Variants in ZPBP observed in about 807,000 individuals in gnomAD.
The protein encoded by ZPBP is zona pellucida binding protein.
Under a neutral mutation model 44.8 loss-of-function variants are expected in ZPBP, and 26 were observed. That is an observed-to-expected ratio of 0.58 (90% CI 0.43 to 0.81). The LOEUF (loss-of-function observed/expected upper bound fraction) is 0.81. Among genes scored for constraint, ZPBP ranks in the 30% least tolerant of loss-of-function variants. The pLI is 0.00. For synonymous variants in ZPBP, 174 were observed against 153.2 expected (o/e 1.14, Z -1.00); for missense variants, 409 against 434.0 (o/e 0.94, Z 0.51).
At position 49,968,063 on chromosome 7, in the gene ZPBP, T is replaced by A. The variant is rs545941923; in HGVS notation, c.961+15279A>T. Among the ~76,000 whole-genome samples, 4 of 152,176 alleles carry A rather than the reference T, an allele frequency of 2.6e-5. No homozygotes were observed. In the South Asian group the frequency reaches 8.3e-4, roughly 32 times the overall value. ...ATATTTAATAGAGTATTTTTTCTAA[T>A]GACAGCAGATTAATTTAGAACTAAT... is the stretch of plus-strand genomic sequence containing the variant. On this transcript the variant is annotated intron_variant, in intron 7 of 7. Coordinates refer to ENST00000046087, the MANE Select transcript of ZPBP (RefSeq NM_007009.3).
intron 4 of ZPBP, among the ~76,000 whole-genome samples, chr7:50,045,685 T>C (rs1321857403): frequency 2.0e-5 from 3 of 152,184 alleles, no homozygotes; most frequent in Non-Finnish European, 4.4e-5. Context: ...TGTTCATGGA[T>C]AGGAAGAATC....
intron 2 of ZPBP, among the ~76,000 whole-genome samples, chr7:49,873,179 C>T (rs911218568): frequency 5.9e-5 from 9 of 152,050 alleles, no homozygotes; most frequent in Non-Finnish European, 8.8e-5. Context: ...TTGGTCTGTT[C>T]GGGCTGCTAT....
intron 6 of ZPBP, among the ~76,000 whole-genome samples, chr7:49,998,119 T>C (rs1009604941): frequency 4.6e-5 from 7 of 152,022 alleles, no homozygotes; most frequent in African/African-American, 1.7e-4. Context: ...GGTTTCACCA[T>C]ATTGGCCAGG....
chr7:50,052,960 T>A, intron 4 of ZPBP, among the ~76,000 whole-genome samples: 1 of 152,114 alleles, frequency 6.6e-6, no homozygotes, highest in Non-Finnish European at 1.5e-5. Flanking sequence ...TGGGTTCAAT[T>A]ATAAAAGGTC....
At chr7:50,093,044 C>T (rs2128860538) in intron 1 of ZPBP, 24 bp downstream of exon 1, 1 of 1,590,708 alleles carries the variant, frequency 6.3e-7, no homozygotes, top group East Asian at 2.3e-5. Context: ...CCTGCGGAGC[C>T]GGCAGGGCGG....
downstream of ZPBP, among the ~76,000 whole-genome samples, chr7:49,849,854 C>T (rs1336230920): frequency 6.6e-6 from 1 of 152,196 alleles, no homozygotes; most frequent in African/African-American, 2.4e-5. Context: ...GCCAGTGAAG[C>T]CTCATATAGT....
intron 1 of ZPBP, among the ~76,000 whole-genome samples, chr7:49,931,395 A>G (rs1794437598): frequency 6.6e-6 from 1 of 152,232 alleles, no homozygotes; most frequent in African/African-American, 2.4e-5. Context: ...AAATTCTGAT[A>G]GCAATATGGA....
chr7:49,992,837 C>T (rs1797629671), intron 6 of ZPBP, among the ~76,000 whole-genome samples: 1 of 151,700 alleles, frequency 6.6e-6, no homozygotes, highest in South Asian at 2.1e-4. Context: ...AGAAAAATGA[C>T]AAGAGAAGGA....
chr7:49,966,975 T>C (rs1157427678), intron 7 of ZPBP, among the ~76,000 whole-genome samples: 1 of 152,046 alleles, frequency 6.6e-6, no homozygotes, highest in East Asian at 1.9e-4. Context: ...GAAAGAGGAC[T>C]GATAGATTTC....
rs536871613 is a variant in ZPBP at position 50,040,472 on chromosome 7, T to C, written c.488-9162A>G. Among the ~76,000 whole-genome samples, 32 of 152,228 alleles carry C rather than the reference T, an allele frequency of 2.1e-4. No homozygotes were observed. The South Asian group carries it at 5.8e-3, about 28-fold the overall frequency. On this transcript the variant is annotated intron_variant, in intron 4 of 7. Transcript: ENST00000046087. The stretch of plus-strand genomic sequence containing the variant: ...ATTTCCAACTGAGGTACCTGGTTCA[T>C]CTCATTGGGACTGGTTAGGCAGTGA...
intron 2 of ZPBP, among the ~76,000 whole-genome samples, chr7:49,854,339 C>A (rs13310601): frequency 1.5e-4 from 23 of 152,054 alleles, no homozygotes; most frequent in African/African-American, 5.1e-4. Flanking sequence ...ACAATGTAAA[C>A]GTGTTCCTAT....
intron 3 of ZPBP, 66 bp from the exon 4 acceptor site, chr7:50,058,207 C>G: frequency 6.5e-7 from 1 of 1,546,254 alleles, no homozygotes; most frequent in Non-Finnish European, 8.9e-7. Flanking sequence ...AACATTTTCT[C>G]AGCAAGGTAA....
chr7:49,951,387 C>T (rs965062584), intron 7 of ZPBP, among the ~76,000 whole-genome samples: 1 of 151,538 alleles, frequency 6.6e-6, no homozygotes, highest in Non-Finnish European at 1.5e-5. Context: ...AGTAGAAACA[C>T]TGGCAGAGGA....
chr7:49,972,402 C>T (rs1039820611), intron 7 of ZPBP, among the ~76,000 whole-genome samples: 23 of 151,854 alleles, frequency 1.5e-4, no homozygotes, highest in African/African-American at 4.6e-4. Flanking sequence ...GTGCAACATA[C>T]AAAATCAACT....
chr7:49,852,689 T>TG (rs142784684), intron 2 of ZPBP, among the ~76,000 whole-genome samples: 8,014 of 152,098 alleles, frequency 0.053, 697 homozygotes, highest in African/African-American at 0.18. Flanking sequence ...GTGTGACGGA[T>TG]GGGGGACGGG....
In ZPBP at chr7:50,065,525, T is replaced by G. The variant is rs187109394; in HGVS notation, c.335-7384A>C. Reference sequence around the variant, plus strand: ...CTTTTCTTATCAGGCGATACAGTACTTTTCAATTATGGAGGTTTTTAACAA... The same window carrying G: ...CTTTTCTTATCAGGCGATACAGTACGTTTCAATTATGGAGGTTTTTAACAA... On this transcript the variant is annotated intron_variant, in intron 3 of 7. Coordinates refer to ENST00000046087, the MANE Select transcript of ZPBP (RefSeq NM_007009.3). Among the ~76,000 whole-genome samples, 4 of 151,180 alleles carry G rather than the reference T, an allele frequency of 2.6e-5. No individual in the cohort carries two copies. In the East Asian group the frequency reaches 7.7e-4, roughly 29 times the overall value.
intron 2 of ZPBP, among the ~76,000 whole-genome samples, chr7:49,880,998 C>T (rs753343823): frequency 2.2e-4 from 34 of 152,154 alleles, no homozygotes; most frequent in Non-Finnish European, 4.0e-4. Flanking sequence ...ATCCTTTGTA[C>T]AATAAGTGAT....
At chr7:50,004,116 G>A (rs1277436171) in intron 6 of ZPBP, among the ~76,000 whole-genome samples, 1 of 152,126 alleles carries the variant, frequency 6.6e-6, no homozygotes, top group Non-Finnish European at 1.5e-5. Context: ...TGTGAGTCAG[G>A]GGACCTGGAG....
At chr7:50,070,615 G>A (rs1173182407) in intron 3 of ZPBP, among the ~76,000 whole-genome samples, 1 of 152,208 alleles carries the variant, frequency 6.6e-6, no homozygotes, top group Admixed American at 6.5e-5. Context: ...GAATCAGAGA[G>A]ACTGATGGGG....
Sources: allele counts gnomAD v4.1 joint callset (sites outside exome capture counted in the v4.1 genomes callset), GRCh38; gene constraint gnomAD v4.1.1; transcripts MANE v1.5; gene names NCBI Gene and HGNC (gene_info 2026-07-23, HGNC 2026-07-21).